The following FAP variants were observed in gnomAD, a reference collection of about 807,000 sequenced individuals.
FAP encodes fibroblast activation protein alpha, also known as prolyl endopeptidase FAP.
In FAP, 110 loss-of-function variants were observed where a neutral mutation model predicts 126.5. The observed-to-expected ratio is 0.87, with a 90% CI of 0.74 to 1.02. The LOEUF is 1.02. FAP is among the 50% of genes least tolerant of loss of function. The probability of loss-of-function intolerance (pLI) is 0.00; values close to 1 mark genes in which losing one functional copy is unlikely to be tolerated. For synonymous variants in FAP, 334 were observed against 297.3 expected (o/e 1.12, Z -1.27); for missense variants, 919 against 909.2 (o/e 1.01, Z -0.14).
At chr2:162,214,405 A>G (rs1368642587) in intron 10 of FAP, among the ~76,000 whole-genome samples, 2 of 152,080 alleles carry the variant, frequency 1.3e-5, no homozygotes, top group Non-Finnish European at 2.9e-5. Context: ...TTAAACTTGC[A>G]TTTTGCACAA....
intron 6 of FAP, 63 bp from the exon 7 acceptor site, chr2:162,219,988 C>G (rs1481636081): frequency 9.2e-7 from 1 of 1,092,030 alleles, no homozygotes; most frequent in East Asian, 2.4e-5. Flanking sequence ...AAATAATAAT[C>G]TGTATGAACA....
At chr2:162,178,862 A>C (rs949460198) in intron 21 of FAP, among the ~76,000 whole-genome samples, 1 of 152,188 alleles carries the variant, frequency 6.6e-6, no homozygotes, top group African/African-American at 2.4e-5. Flanking sequence ...AGTAAACCTC[A>C]TGGTAATTTT....
chr2:162,190,544 G>T (rs1019856823), intron 17 of FAP, among the ~76,000 whole-genome samples: 9 of 152,094 alleles, frequency 5.9e-5, no homozygotes, highest in African/African-American at 2.2e-4. Flanking sequence ...TCTTGAATCT[G>T]TAGATTGGTA....
chr2:162,213,585 C>T (rs78177873), intron 11 of FAP, among the ~76,000 whole-genome samples: 5,502 of 151,722 alleles, frequency 0.036, 346 homozygotes, highest in African/African-American at 0.13. Context: ...ACCCATGTTT[C>T]GGTTTCATCT....
In FAP at chr2:162,213,957, T is replaced by C; in HGVS notation, c.983A>G (p.Gln328Arg). 2 of 1,613,660 alleles carry C rather than the reference T, an allele frequency of 1.2e-6. No homozygotes were observed. Among genetic ancestry groups the C allele is most frequent in the Non-Finnish European group, 1.7e-6 (2 of 1,179,740 alleles). Reference sequence around the variant, plus strand: ...CCCTACCTTTGGACAATCCCATGTCTGCCAGTCTTCCCTGAAGTCACATAT... The same window carrying C: ...CCCTACCTTTGGACAATCCCATGTCCGCCAGTCTTCCCTGAAGTCACATAT... ...LSICDFREDW[Q>R]TWDCPKTQEH... Residue 328 changes from glutamine to arginine, a missense_variant, in exon 11 of 26, where the codon CAG (glutamine) becomes CGG (arginine). Transcript: ENST00000188790.
At chr2:162,194,624 C>G (rs567722980) in intron 17 of FAP, 77 bp downstream of exon 17, 8 of 1,322,658 alleles carry the variant, frequency 6.0e-6, no homozygotes, top group South Asian at 5.9e-5. Context: ...GAGAAACTGT[C>G]CTGCTTTCTC....
intron 2 of FAP, among the ~76,000 whole-genome samples, chr2:162,237,741 G>A (rs886393878): frequency 1.3e-5 from 2 of 152,108 alleles, no homozygotes; most frequent in Non-Finnish European, 2.9e-5. Flanking sequence ...TGGGTCAAAT[G>A]GTATTTCTGG....
Position 162,198,836 on chromosome 2 carries a change from G to T in FAP, c.1323C>A (p.Cys441Ter). Residue 441 changes from cysteine to a stop codon, truncating the protein, a stop_gained, in exon 16 of 26, where the codon TGC (cysteine) becomes TGA (stop). Coordinates refer to ENST00000188790, the MANE Select transcript of FAP (RefSeq NM_004460.5). LOFTEE classifies it high-confidence loss of function. ...ATTGGCACCTTTCTTTCCTTAGATG[G>T]CAAGTAACACACTTCTTGCTTGGAG... Reference protein sequence around the residue: ...SYPPSKKCVTCHLRKERCQYY... With the variant: ...SYPPSKKCVT 6.2e-7 allele frequency: 1 copy of T among 1,613,524 alleles called. No homozygotes were observed. Among genetic ancestry groups the T allele is most frequent in the African/African-American group, 1.3e-5 (1 of 74,990 alleles).
At chr2:162,183,626 A>G in intron 20 of FAP, 158 bp from the exon 21 acceptor site, 1 of 588,654 alleles carries the variant, frequency 1.7e-6, no homozygotes, top group African/African-American at 1.9e-5. Flanking sequence ...TAATTAAAAT[A>G]ATATTATCAT....
chr2:162,219,944 A>G lies in FAP; in HGVS notation c.414-19T>C. 3.2e-6 allele frequency: 5 copies of G among 1,575,240 alleles called. No homozygotes were observed. The highest frequency in any genetic ancestry group is 4.4e-6 in the Non-Finnish European group (5 of 1,146,592). On this transcript the variant is annotated intron_variant, in intron 6 of 25. Transcript: ENST00000188790. ...AAATTCTCTAGAAGGAAAGAAAGAA[A>G]GAAAAACAACAAACCTTGCTGTTTA...
At chr2:162,198,953 A>C (rs546790436) in intron 15 of FAP, 72 bp from the exon 16 acceptor site, 2 of 1,336,444 alleles carry the variant, frequency 1.5e-6, no homozygotes, top group South Asian at 1.2e-5. Flanking sequence ...TACTCCATGT[A>C]AAGTGACTAA....
chr2:162,204,290 AATAATT>A (rs1472169782), intron 12 of FAP, among the ~76,000 whole-genome samples: 2 of 152,214 alleles, frequency 1.3e-5, no homozygotes, highest in African/African-American at 2.4e-5. Context: ...TTTCTCATGA[AATAATT>A]ATAACTGTGT....
intron 6 of FAP, among the ~76,000 whole-genome samples, chr2:162,220,775 T>C (rs1426123914): frequency 6.6e-6 from 1 of 152,222 alleles, no homozygotes. Context: ...TTCAGACTTT[T>C]ATAAGTGTTG....
intron 20 of FAP, among the ~76,000 whole-genome samples, chr2:162,183,826 C>G (rs1458987873): frequency 6.6e-6 from 1 of 151,990 alleles, no homozygotes; most frequent in Admixed American, 6.6e-5. Flanking sequence ...TTTCCAAATC[C>G]CCAGCTATCG....
chr2:162,207,957 TA>T (rs1688775578), intron 12 of FAP, among the ~76,000 whole-genome samples: 2 of 151,626 alleles, frequency 1.3e-5, no homozygotes, highest in African/African-American at 4.8e-5. Flanking sequence ...GGGTGTTTTT[TA>T]AAAAAGTTCT....
At chr2:162,181,946 C>T (rs374239119) in intron 21 of FAP, among the ~76,000 whole-genome samples, 43 of 152,178 alleles carry the variant, frequency 2.8e-4, no homozygotes, top group African/African-American at 8.4e-4. Context: ...TGTTATATCA[C>T]GTGGCAGCCC....
At chr2:162,233,770 C>A (rs1689994121) in intron 2 of FAP, among the ~76,000 whole-genome samples, 1 of 151,942 alleles carries the variant, frequency 6.6e-6, no homozygotes, top group Admixed American at 6.6e-5. Context: ...CATTTTTGGT[C>A]ATATCTTAGA....
chr2:162,206,341 G>A (rs1688695483), intron 12 of FAP, among the ~76,000 whole-genome samples: 1 of 152,160 alleles, frequency 6.6e-6, no homozygotes, highest in Admixed American at 6.5e-5. Context: ...TAGATTTTCT[G>A]ATAGATTACT....
In FAP at chr2:162,173,224, GGAAAAGA is replaced by G; in HGVS notation, c.2035-10_2035-4del. On this transcript the variant is annotated splice_polypyrimidine_tract_variant and splice_region_variant and intron_variant, in intron 23 of 25. Coordinates refer to ENST00000188790, the MANE Select transcript of FAP (RefSeq NM_004460.5). Reference sequence around the variant, plus strand: ...GCTCTTGCCATCACAGTTGAATTCTGGAAAAGAGAAAAAAATTAACATTTTAGTTGCT... The same window carrying G: ...GCTCTTGCCATCACAGTTGAATTCTGGAAAAAAATTAACATTTTAGTTGCT... 6.2e-7 allele frequency: 1 copy of G among 1,611,122 alleles called. No homozygotes were observed. Among genetic ancestry groups the G allele is most frequent in the Non-Finnish European group, 8.5e-7 (1 of 1,177,746 alleles).
Sources: gnomAD v4.1 joint callset for allele counts (sites outside exome capture counted in the v4.1 genomes callset) on GRCh38, gnomAD v4.1.1 for gene constraint, MANE v1.5 for transcripts, NCBI Gene and HGNC (gene_info 2026-07-23, HGNC 2026-07-21) for gene names.